Variants in SEC11C observed in about 807,000 individuals in gnomAD.
SEC11C encodes the protein SEC11 homolog C, signal peptidase complex subunit.
Under a neutral mutation model 21.9 loss-of-function variants are expected in SEC11C, and 10 were observed. That is an observed-to-expected ratio of 0.46 (90% CI 0.28 to 0.77). The LOEUF (loss-of-function observed/expected upper bound fraction) is 0.77, where lower values mean the gene tolerates loss of function less well. Ranked by LOEUF, SEC11C falls within the 30% of genes least tolerant of loss-of-function variation. The pLI is 0.12. For synonymous variants in SEC11C, 83 were observed against 85.6 expected, an observed-to-expected ratio of 0.97 and a Z score of 0.17; for missense variants, 145 against 244.5, an observed-to-expected ratio of 0.59 and a Z score of 2.71.
At chr18:59,155,471 G>A (rs2069408399) in intron 3 of SEC11C, 1 of 427,566 alleles carries the variant, frequency 2.3e-6, no homozygotes, top group Non-Finnish European at 4.2e-6. Context: ...GGATACTTGA[G>A]TGTTTTGGAA....
rs114507101 is a variant in SEC11C at position 59,143,820 on chromosome 18, G to A, written c.87+3785G>A. On this transcript the variant is annotated intron_variant, in intron 1 of 5. Transcript: ENST00000587834. ...CCTCCACTCCCATTAAGTTCTTTATGCATTGTTTTAAATAGTGGAGTAATC... is the reference window on the plus strand; with the variant it reads ...CCTCCACTCCCATTAAGTTCTTTATACATTGTTTTAAATAGTGGAGTAATC... Among the ~76,000 whole-genome samples the A allele has an allele frequency of 7.0e-3, 1,059 of 150,696 alleles. 9 individuals carry two copies. Among genetic ancestry groups the A allele is most frequent in the African/African-American group, 0.024 (997 of 41,104 alleles).
intron 3 of SEC11C, 143 bp downstream of exon 3, chr18:59,152,828 CTTT>C: frequency 1.6e-6 from 1 of 626,402 alleles, no homozygotes; most frequent in South Asian, 2.5e-5. Flanking sequence ...ATGCTTAACT[CTTT>C]CTGTAGGATG....
Position 59,158,710 on chromosome 18 carries a change from G to A in SEC11C, c.*25G>A, listed in dbSNP as rs746403913. 1.3e-6 allele frequency: 2 copies of A among 1,585,720 alleles called. No homozygotes were observed. Among genetic ancestry groups the A allele is most frequent in the East Asian group, 2.2e-5 (1 of 44,720 alleles). On this transcript the variant is annotated 3_prime_UTR_variant, in exon 6 of 6. Transcript: ENST00000587834. ...AAATGAGAAGCAGTTCCTGGGACCA[G>A]ATTGAAATGAATTCTGTTGAAAAAG...
chr18:59,146,169 A>G (rs558373103), intron 1 of SEC11C, among the ~76,000 whole-genome samples: 1 of 152,300 alleles, frequency 6.6e-6, no homozygotes, highest in East Asian at 1.9e-4. Flanking sequence ...GAGTGGCAGC[A>G]GTGGGAATAG....
chr18:59,140,135 C>A, intron 1 of SEC11C, 100 bp downstream of exon 1: 1 of 1,124,350 alleles, frequency 8.9e-7, no homozygotes, highest in Non-Finnish European at 1.2e-6. Context: ...GTGAATGCGG[C>A]CGGGCGGCCA....
chr18:59,156,601 T>C (rs759265428), intron 4 of SEC11C: 61 of 152,254 alleles, frequency 4.0e-4, no homozygotes, highest in Non-Finnish European at 8.1e-4. Context: ...GTTCTGCTTC[T>C]GATTGACATA....
chr18:59,141,836 G>A (rs1231862338), intron 1 of SEC11C, among the ~76,000 whole-genome samples: 1 of 152,206 alleles, frequency 6.6e-6, no homozygotes, highest in Non-Finnish European at 1.5e-5. Context: ...GTGAGGAAGA[G>A]AGGAAGAAAT....
chr18:59,154,010 T>C (rs1462127509), intron 3 of SEC11C, among the ~76,000 whole-genome samples: 3 of 152,292 alleles, frequency 2.0e-5, no homozygotes, highest in East Asian at 1.9e-4. Flanking sequence ...CCCGGCCCAT[T>C]TACTGCTTCT....
chr18:59,152,613 G>T lies in SEC11C; in HGVS notation c.275G>T (p.Gly92Val). 1 of 1,613,782 alleles carries T rather than the reference G, an allele frequency of 6.2e-7. No homozygotes were observed. Among genetic ancestry groups the T allele is most frequent in the Non-Finnish European group, 8.5e-7 (1 of 1,179,936 alleles). ...TNFREDPIRAGEIVVFKVEGR... is the reference protein window; with the variant it reads ...TNFREDPIRAVEIVVFKVEGR... ...TTCCGGGAAGACCCAATCAGAGCTG[G>T]TGAAATAGTTGTTTTTAAAGTTGAA... is the stretch of plus-strand genomic sequence containing the variant. Residue 92 changes from glycine to valine, a missense_variant, in exon 3 of 6, where the codon GGT (glycine) becomes GTT (valine). By Grantham distance (109) the Gly-to-Val change is moderately radical. Coordinates refer to ENST00000587834, the MANE Select transcript of SEC11C (RefSeq NM_033280.4).
chr18:59,146,051 G>T (rs981231629), intron 1 of SEC11C, among the ~76,000 whole-genome samples: 1 of 152,174 alleles, frequency 6.6e-6, no homozygotes, highest in Non-Finnish European at 1.5e-5. Context: ...GCGCATGACC[G>T]CCCAGAGTGT....
intron 1 of SEC11C, among the ~76,000 whole-genome samples, chr18:59,146,821 G>T (rs74677346): frequency 0.022 from 3,373 of 152,194 alleles, 215 homozygotes; most frequent in East Asian, 0.21. Flanking sequence ...GTATAGAGCC[G>T]TGATTCAACT....
At chr18:59,154,704 C>T (rs1422690805) in intron 3 of SEC11C, among the ~76,000 whole-genome samples, 5 of 152,168 alleles carry the variant, frequency 3.3e-5, no homozygotes, top group Admixed American at 2.6e-4. Flanking sequence ...TTACTTTGTG[C>T]TCAAATCTGT....
intron 1 of SEC11C, among the ~76,000 whole-genome samples, chr18:59,143,832 AT>A (rs2069239340): frequency 1.3e-5 from 2 of 149,474 alleles, no homozygotes; most frequent in African/African-American, 4.9e-5. Context: ...ATTGTTTTAA[AT>A]AGTGGAGTAA....
intron 1 of SEC11C, among the ~76,000 whole-genome samples, chr18:59,146,129 GC>G (rs2069272859): frequency 6.6e-6 from 1 of 152,214 alleles, no homozygotes; most frequent in African/African-American, 2.4e-5. Flanking sequence ...CTTCACAGCA[GC>G]CTGATGGGCC....
intron 3 of SEC11C, among the ~76,000 whole-genome samples, chr18:59,153,744 T>C (rs1392135727): frequency 1.3e-5 from 2 of 151,120 alleles, no homozygotes; most frequent in Non-Finnish European, 2.9e-5. Flanking sequence ...TGAGGCTCTG[T>C]CTCCTAGGCT....
intron 3 of SEC11C, among the ~76,000 whole-genome samples, chr18:59,154,727 C>G: frequency 6.6e-6 from 1 of 152,176 alleles, no homozygotes; most frequent in East Asian, 1.9e-4. Context: ...GATCTAGGAT[C>G]AAGTTTATGT....
chr18:59,158,748 A>G lies in SEC11C; in HGVS notation c.*63A>G. ...TCTGTTGAAAAAGAGAAAAACTAAT[A>G]TATTTGAGATGTTCCATTTTCTGTA... On this transcript the variant is annotated 3_prime_UTR_variant, in exon 6 of 6. Transcript: ENST00000587834. 2.3e-6 allele frequency: 3 copies of G among 1,323,972 alleles called. No individual in the cohort carries two copies. The South Asian group carries it at 3.6e-5, about 16-fold the overall frequency. 82.0% of individuals were successfully genotyped at this position (1,323,972 alleles called of 1,614,324 possible). A position where few individuals can be genotyped will look rare whatever the true frequency, so the allele number is the denominator to read the frequency against.
At chr18:59,147,127 A>C (rs1317559198) in intron 1 of SEC11C, 1 of 152,174 alleles carries the variant, frequency 6.6e-6, no homozygotes, top group Non-Finnish European at 1.5e-5. Context: ...CCACCTGGCA[A>C]AGTCTCCATT....
chr18:59,144,145 T>C (rs937560289), intron 1 of SEC11C, among the ~76,000 whole-genome samples: 2 of 152,204 alleles, frequency 1.3e-5, no homozygotes, highest in Non-Finnish European at 2.9e-5. Context: ...TGAGCCACAC[T>C]GCACCTGGCC....
Sources: allele counts gnomAD v4.1 joint callset (sites outside exome capture counted in the v4.1 genomes callset), GRCh38; gene constraint gnomAD v4.1.1; transcripts MANE v1.5; gene names NCBI Gene and HGNC (gene_info 2026-07-23, HGNC 2026-07-21).